SPATA17: variants seen among roughly 807,000 people sequenced by gnomAD.
SPATA17 encodes the protein spermatogenesis associated 17, also known as spermatogenesis-associated protein 17.
In SPATA17, 53 loss-of-function variants were observed where a neutral mutation model predicts 62.2. The ratio of observed to expected loss-of-function variants is 0.85; its 90% confidence interval spans 0.68 to 1.07. The LOEUF (loss-of-function observed/expected upper bound fraction) is 1.07, where lower values mean the gene tolerates loss of function less well. Among genes scored for constraint, SPATA17 ranks in the 50% least tolerant of loss-of-function variants. The pLI is 0.00. For missense variants in SPATA17, 466 were observed against 425.5 expected (o/e 1.10, Z -0.84); for synonymous variants, 146 against 146.8 (o/e 0.99, Z 0.04).
chr1:217,793,132 T>C (rs553258716), intron 8 of SPATA17, among the ~76,000 whole-genome samples: 12 of 152,072 alleles, frequency 7.9e-5, no homozygotes, highest in Non-Finnish European at 1.5e-5. Flanking sequence ...GTTAAAACCT[T>C]GGTGGTGGAA....
At chr1:217,757,654 T>C (rs1326468430) in intron 6 of SPATA17, among the ~76,000 whole-genome samples, 2 of 151,882 alleles carry the variant, frequency 1.3e-5, no homozygotes, top group Admixed American at 6.6e-5. Flanking sequence ...GGAAGCAAGG[T>C]TAGAGGAGAG....
chr1:217,813,021 G>T (rs1368264970), intron 9 of SPATA17, among the ~76,000 whole-genome samples: 4 of 152,048 alleles, frequency 2.6e-5, no homozygotes, highest in African/African-American at 9.7e-5. Flanking sequence ...CATGCATTTT[G>T]GTCCTAAACA....
At chr1:217,763,502 TA>T (rs1383334613) in intron 6 of SPATA17, among the ~76,000 whole-genome samples, 1 of 152,130 alleles carries the variant, frequency 6.6e-6, no homozygotes, top group Non-Finnish European at 1.5e-5. Context: ...TGAGAGTGGC[TA>T]AAATGAGGTT....
rs1190404885 is a variant in SPATA17 at position 217,697,928 on chromosome 1, A to C, written c.395+14567A>C. Among the ~76,000 whole-genome samples the C allele has an allele frequency of 2.6e-5, 4 of 152,254 alleles. No homozygotes were observed. In the East Asian group the frequency reaches 5.8e-4, roughly 22 times the overall value. ...TCAACCTTTTGTGAAATCAAGATTAATACCTTGCTAAGTTTTATATGCATT... is the reference window on the plus strand; with the variant it reads ...TCAACCTTTTGTGAAATCAAGATTACTACCTTGCTAAGTTTTATATGCATT... On this transcript the variant is annotated intron_variant, in intron 5 of 10. Coordinates refer to ENST00000366933, the MANE Select transcript of SPATA17 (RefSeq NM_138796.4).
chr1:217,648,935 G>T lies in SPATA17; in HGVS notation c.122G>T (p.Ser41Ile). 1 of 1,610,428 alleles carries T rather than the reference G, an allele frequency of 6.2e-7. No individual in the cohort carries two copies. The change falls in exon 2 of 11, where the codon AGC becomes ATC. Residue 41 changes from serine to isoleucine, a missense_variant. Ser to Ile is a moderately radical substitution (Grantham distance 142, BLOSUM62 -2). Transcript: ENST00000366933. Reference sequence around the variant, plus strand: ...AATGATGCAGCAGTTAAAATCCAAAGCTGGTTTCGAGGATGTCAAGTTCGG... The same window carrying T: ...AATGATGCAGCAGTTAAAATCCAAATCTGGTTTCGAGGATGTCAAGTTCGG... The part of the protein sequence containing the change: ...KENDAAVKIQ[S>I]WFRGCQVRAY...
intron 6 of SPATA17, among the ~76,000 whole-genome samples, chr1:217,766,736 A>G (rs57793194): frequency 0.36 from 38,965 of 108,830 alleles, 5,310 homozygotes; most frequent in East Asian, 0.57. Context: ...TTTTTTTTTT[A>G]TCTTGTCTTT....
chr1:217,777,505 G>A lies in SPATA17; in HGVS notation c.723+2968G>A, dbSNP rs550351248. Among the ~76,000 whole-genome samples, 6 of 152,142 alleles carry A rather than the reference G, an allele frequency of 3.9e-5. No homozygotes were observed. In the South Asian group the frequency reaches 6.2e-4, roughly 16 times the overall value. ...CCACTTCTGCCTCCCTGGTTCAAGC[G>A]ATTCTCCTGCCTCAGCCTCCCAAGT... On this transcript the variant is annotated intron_variant, in intron 7 of 10. Coordinates refer to ENST00000366933, the MANE Select transcript of SPATA17 (RefSeq NM_138796.4).
intron 9 of SPATA17, among the ~76,000 whole-genome samples, chr1:217,822,649 A>T (rs924543720): frequency 3.1e-4 from 46 of 148,124 alleles, no homozygotes; most frequent in African/African-American, 9.8e-4. Context: ...TATATATATA[A>T]AATAAATATA....
intron 9 of SPATA17, among the ~76,000 whole-genome samples, chr1:217,859,410 C>T (rs745927705): frequency 1.3e-5 from 2 of 150,680 alleles, no homozygotes; most frequent in South Asian, 2.1e-4. Context: ...GGTCTTGCTA[C>T]GTATATATAT....
chr1:217,725,766 G>C (rs1672245637), intron 5 of SPATA17, among the ~76,000 whole-genome samples: 1 of 152,014 alleles, frequency 6.6e-6, no homozygotes, highest in South Asian at 2.1e-4. Flanking sequence ...CCCAGCCCCA[G>C]ATTATGTTTT....
intron 7 of SPATA17, among the ~76,000 whole-genome samples, chr1:217,780,317 A>T (rs1355515065): frequency 7.4e-6 from 1 of 135,654 alleles, no homozygotes; most frequent in Non-Finnish European, 1.7e-5. Context: ...CAAAGACAAG[A>T]TGCTAATTGT....
chr1:217,670,618 C>A (rs1670810573), intron 4 of SPATA17, among the ~76,000 whole-genome samples: 1 of 152,080 alleles, frequency 6.6e-6, no homozygotes, highest in East Asian at 1.9e-4. Flanking sequence ...TGAATTTTAC[C>A]TGAGTCTTGT....
chr1:217,669,171 A>G, intron 4 of SPATA17, 88 bp downstream of exon 4: 1 of 1,114,086 alleles, frequency 9.0e-7, no homozygotes, highest in Non-Finnish European at 1.3e-6. Context: ...AGAATAATGC[A>G]AATTTGATTG....
chr1:217,740,351 T>G (rs1672601842), intron 5 of SPATA17, among the ~76,000 whole-genome samples: 1 of 152,104 alleles, frequency 6.6e-6, no homozygotes, highest in African/African-American at 2.4e-5. Context: ...ATTTTTATTT[T>G]TTTCATAATA....
intron 9 of SPATA17, among the ~76,000 whole-genome samples, chr1:217,811,016 G>A (rs571864274): frequency 6.6e-6 from 1 of 152,112 alleles, no homozygotes; most frequent in African/African-American, 2.4e-5. Context: ...AAGAAAAATT[G>A]TAGGTATTCT....
At chr1:217,800,751 T>C (rs1674289710) in intron 8 of SPATA17, among the ~76,000 whole-genome samples, 1 of 152,204 alleles carries the variant, frequency 6.6e-6, no homozygotes, top group Admixed American at 6.5e-5. Flanking sequence ...CATTTATGAA[T>C]TTTCTATCTT....
At chr1:217,771,798 C>A (rs1368748544) in intron 6 of SPATA17, among the ~76,000 whole-genome samples, 2 of 152,088 alleles carry the variant, frequency 1.3e-5, no homozygotes, top group African/African-American at 2.4e-5. Flanking sequence ...GTCTACTGAT[C>A]CATTTGCATT....
chr1:217,767,014 T>C (rs1374354817), intron 6 of SPATA17, among the ~76,000 whole-genome samples: 1 of 152,152 alleles, frequency 6.6e-6, no homozygotes, highest in Non-Finnish European at 1.5e-5. Flanking sequence ...ATTTTCATTC[T>C]CTCTGAAAAC....
chr1:217,802,167 C>A (rs1193122891), intron 9 of SPATA17, among the ~76,000 whole-genome samples: 2 of 151,964 alleles, frequency 1.3e-5, no homozygotes, highest in African/African-American at 4.8e-5. Context: ...AACTCTCAGG[C>A]ATGGAGATCA....
Sources: allele counts gnomAD v4.1 joint callset (sites outside exome capture counted in the v4.1 genomes callset), GRCh38; gene constraint gnomAD v4.1.1; transcripts MANE v1.5; gene names NCBI Gene and HGNC (gene_info 2026-07-23, HGNC 2026-07-21).